Variants in BMPR1B observed in about 807,000 individuals in gnomAD.
The protein encoded by BMPR1B is bone morphogenetic protein receptor type-1B.
BMPR1B carries 12 observed loss-of-function variants against 59.1 expected under a neutral mutation model. The observed-to-expected ratio is 0.20, with a 90% CI of 0.13 to 0.33. The LOEUF (loss-of-function observed/expected upper bound fraction) is 0.33, where lower values mean the gene tolerates loss of function less well. BMPR1B is among the 10% of genes least tolerant of loss of function. BMPR1B has a pLI of 1.00. For synonymous variants in BMPR1B, 237 were observed against 207.3 expected, an observed-to-expected ratio of 1.14 and a Z score of -1.23; for missense variants, 550 against 610.9, an observed-to-expected ratio of 0.90 and a Z score of 1.05.
At chr4:95,003,104 T>C (rs1409477949) in intron 3 of BMPR1B, among the ~76,000 whole-genome samples, 1 of 152,166 alleles carries the variant, frequency 6.6e-6, no homozygotes, top group African/African-American at 2.4e-5. Context: ...GAAACATAAG[T>C]ATGTTTTGAA....
chr4:95,052,470 G>A (rs1726575164), intron 3 of BMPR1B, among the ~76,000 whole-genome samples: 1 of 152,170 alleles, frequency 6.6e-6, no homozygotes, highest in South Asian at 2.1e-4. Context: ...ATTGCAAAGA[G>A]GGAGTTATAG....
chr4:94,987,502 C>G (rs533738454), intron 2 of BMPR1B, among the ~76,000 whole-genome samples: 2 of 152,028 alleles, frequency 1.3e-5, no homozygotes, highest in South Asian at 2.1e-4. Flanking sequence ...ACTTGGTAGA[C>G]AAATATTCTC....
chr4:94,851,362 T>C (rs545533037), intron 1 of BMPR1B, among the ~76,000 whole-genome samples: 3 of 152,268 alleles, frequency 2.0e-5, no homozygotes, highest in African/African-American at 7.2e-5. Flanking sequence ...AAAATATAGT[T>C]AATCTCTATT....
intron 2 of BMPR1B, among the ~76,000 whole-genome samples, chr4:94,934,440 T>C (rs1382944227): frequency 6.8e-6 from 1 of 147,184 alleles, no homozygotes; most frequent in African/African-American, 2.5e-5. Context: ...AGTGGGAACT[T>C]TTCCCAGCTA....
At chr4:94,811,931 T>TC (rs930571398) in intron 1 of BMPR1B, among the ~76,000 whole-genome samples, 4 of 152,182 alleles carry the variant, frequency 2.6e-5, no homozygotes, top group African/African-American at 9.6e-5. Flanking sequence ...TTATAGGTTT[T>TC]GAGATGTAAA....
At chr4:94,926,131 C>G (rs1270403328) in intron 2 of BMPR1B, among the ~76,000 whole-genome samples, 1 of 146,260 alleles carries the variant, frequency 6.8e-6, no homozygotes, top group Admixed American at 7.0e-5. Flanking sequence ...CTCCCTGCCT[C>G]CCTCCTTTTC....
chr4:95,120,759 C>T (rs1026384088), intron 6 of BMPR1B, among the ~76,000 whole-genome samples: 1 of 150,358 alleles, frequency 6.7e-6, no homozygotes, highest in Admixed American at 6.6e-5. Context: ...TTCTCTCTCT[C>T]TCTCCCTCCC....
chr4:95,108,496 G>C (rs540775025), intron 4 of BMPR1B, among the ~76,000 whole-genome samples: 2 of 152,172 alleles, frequency 1.3e-5, no homozygotes, highest in Non-Finnish European at 2.9e-5. Context: ...GTACTTAAAA[G>C]AGAACCTGAA....
At chr4:95,062,910 G>A (rs996513659) in intron 3 of BMPR1B, among the ~76,000 whole-genome samples, 9 of 152,150 alleles carry the variant, frequency 5.9e-5, no homozygotes, top group African/African-American at 2.2e-4. Context: ...TTTGCAAGCC[G>A]AATGAGAATG....
chr4:94,930,790 G>A (rs1729068843), intron 2 of BMPR1B, among the ~76,000 whole-genome samples: 1 of 152,082 alleles, frequency 6.6e-6, no homozygotes. Context: ...ACTATCTCTT[G>A]AAGATATATC....
chr4:95,054,706 T>C (rs1046773082), intron 3 of BMPR1B, among the ~76,000 whole-genome samples: 1 of 152,274 alleles, frequency 6.6e-6, no homozygotes, highest in Admixed American at 6.5e-5. Flanking sequence ...ATAAACAGTA[T>C]TAAAACATCA....
At chr4:94,956,348 T>A (rs1204484936) in intron 2 of BMPR1B, among the ~76,000 whole-genome samples, 1 of 152,172 alleles carries the variant, frequency 6.6e-6, no homozygotes, top group Non-Finnish European at 1.5e-5. Flanking sequence ...TGTTTCTTTT[T>A]AAATAAAAAT....
intron 2 of BMPR1B, among the ~76,000 whole-genome samples, chr4:94,934,489 A>G (rs1464507389): frequency 4.2e-5 from 5 of 119,382 alleles, no homozygotes; most frequent in African/African-American, 1.7e-4. Context: ...TTCATTCCTA[A>G]TTTCTCTCAG....
intron 3 of BMPR1B, among the ~76,000 whole-genome samples, chr4:95,098,717 A>G (rs1337118507): frequency 6.6e-6 from 1 of 151,596 alleles, no homozygotes; most frequent in Non-Finnish European, 1.5e-5. Context: ...ATTATCAAGT[A>G]TTTATTTATT....
At chr4:95,118,970 C>T (rs767553414) in intron 6 of BMPR1B, among the ~76,000 whole-genome samples, 2 of 152,116 alleles carry the variant, frequency 1.3e-5, no homozygotes, top group Non-Finnish European at 1.5e-5. Flanking sequence ...TCATTGCTCT[C>T]ATAAATCAGA....
At chr4:95,032,882 A>C (rs1031544073) in intron 3 of BMPR1B, among the ~76,000 whole-genome samples, 1 of 152,082 alleles carries the variant, frequency 6.6e-6, no homozygotes, top group East Asian at 1.9e-4. Flanking sequence ...TTCAAGTCTT[A>C]ATTTTTGAGA....
chr4:94,959,629 A>C (rs11932090), intron 2 of BMPR1B, among the ~76,000 whole-genome samples: 32,797 of 152,130 alleles, frequency 0.22, 3,774 homozygotes, highest in Middle Eastern at 0.27. Context: ...TTTTCTTGAA[A>C]TGTAATATAA....
chr4:94,982,530 C>T (rs992637488), intron 2 of BMPR1B, among the ~76,000 whole-genome samples: 1 of 152,170 alleles, frequency 6.6e-6, no homozygotes, highest in Admixed American at 6.5e-5. Context: ...TTTACTCCAG[C>T]AATTCTGATT....
chr4:94,815,010 TCTC>T (rs1252936518), intron 1 of BMPR1B, among the ~76,000 whole-genome samples: 2 of 152,090 alleles, frequency 1.3e-5, no homozygotes, highest in Non-Finnish European at 2.9e-5. Flanking sequence ...TTCAAGCTAT[TCTC>T]CTACCTCAGG....
Sources: allele counts gnomAD v4.1 joint callset (sites outside exome capture counted in the v4.1 genomes callset), GRCh38; gene constraint gnomAD v4.1.1; transcripts MANE v1.5; gene names NCBI Gene and HGNC (gene_info 2026-07-23, HGNC 2026-07-21).